The following DIAPH2 variants were observed in gnomAD, a reference collection of about 807,000 sequenced individuals.
The protein encoded by DIAPH2 is protein diaphanous homolog 2.
DIAPH2 carries 35 observed loss-of-function variants against 92.7 expected under a neutral mutation model. The ratio of observed to expected loss-of-function variants is 0.38; its 90% CI spans 0.29 to 0.50. The LOEUF is 0.50. Among genes scored for constraint, DIAPH2 ranks in the 20% least tolerant of loss-of-function variants. The pLI, the probability that DIAPH2 is intolerant of heterozygous loss-of-function variation, is 0.94. For missense variants in DIAPH2, 701 were observed against 819.5 expected (o/e 0.86, Z 1.77); for synonymous variants, 301 against 280.4 (o/e 1.07, Z -0.73).
chrX:97,319,859 G>A (rs1452395120), intron 23 of DIAPH2, among the ~76,000 whole-genome samples: 9 of 107,989 alleles, frequency 8.3e-5, no homozygotes, highest in Middle Eastern at 4.8e-3. Flanking sequence ...CAGCACTTTG[G>A]GAGGCCGAGG....
chrX:97,159,775 C>G (rs2067352989), intron 22 of DIAPH2, among the ~76,000 whole-genome samples: 1 of 111,657 alleles, frequency 9.0e-6, no homozygotes, highest in Non-Finnish European at 1.9e-5. Context: ...TTTTAGATTA[C>G]TTAGTAAAAA....
intron 26 of DIAPH2, among the ~76,000 whole-genome samples, chrX:97,499,953 A>C (rs2070783919): frequency 8.9e-6 from 1 of 112,264 alleles, no homozygotes; most frequent in African/African-American, 3.2e-5. Context: ...TACTCCCATG[A>C]ATCTTCACAG....
chrX:97,020,444 C>T, intron 17 of DIAPH2, among the ~76,000 whole-genome samples: 1 of 111,856 alleles, frequency 8.9e-6, no homozygotes. Flanking sequence ...AATGAAACTG[C>T]GGATAGTACC....
intron 26 of DIAPH2, among the ~76,000 whole-genome samples, chrX:97,588,820 G>T (rs1027972316): frequency 9.5e-6 from 1 of 104,767 alleles, no homozygotes; most frequent in African/African-American, 3.4e-5. Flanking sequence ...CTTAGTGATG[G>T]TATAATCAAC....
At chrX:97,283,474 C>T (rs1259091299) in intron 23 of DIAPH2, among the ~76,000 whole-genome samples, 1 of 111,698 alleles carries the variant, frequency 9.0e-6, no homozygotes, top group Non-Finnish European at 1.9e-5. Context: ...AGAGAGGATG[C>T]TTAGTGTGCC....
chrX:97,255,534 T>C (rs1314625176), intron 23 of DIAPH2, among the ~76,000 whole-genome samples: 1 of 112,035 alleles, frequency 8.9e-6, no homozygotes, highest in Non-Finnish European at 1.9e-5. Context: ...AACAAGCCTG[T>C]AACAATGCTT....
rs756651976 is a variant in DIAPH2 at position 97,216,026 on chromosome X, C to G, written c.2720-31689C>G. ...TCAGAGACTTATTCACCGGCCTCAA[C>G]TGCCGAAAGAATTTTAAACTAACAG... On this transcript the variant is annotated intron_variant, in intron 22 of 26. Transcript: ENST00000324765. Among the ~76,000 whole-genome samples the G allele has an allele frequency of 7.1e-4, 80 of 112,157 alleles. 1 individual carries two copies. In the Middle Eastern group the frequency reaches 0.023, roughly 32 times the overall value.
intron 23 of DIAPH2, among the ~76,000 whole-genome samples, chrX:97,330,379 A>G (rs1337654987): frequency 2.7e-5 from 3 of 110,595 alleles, no homozygotes; most frequent in African/African-American, 6.6e-5. Context: ...CTCTGTTTCT[A>G]TGAGTTTGAC....
At chrX:97,509,327 G>A (rs1375174030) in intron 26 of DIAPH2, among the ~76,000 whole-genome samples, 1 of 109,606 alleles carries the variant, frequency 9.1e-6, no homozygotes, top group East Asian at 2.8e-4. Flanking sequence ...GATTACAGGC[G>A]TAAGCCACTG....
chrX:97,555,521 C>CTGTA, intron 26 of DIAPH2: 1 of 567,753 alleles, frequency 1.8e-6, no homozygotes, highest in African/African-American at 2.5e-5. Flanking sequence ...ACATGATGGA[C>CTGTA]TGTAGTTGTA....
intron 5 of DIAPH2, among the ~76,000 whole-genome samples, chrX:96,892,955 G>A (rs993073563): frequency 2.7e-5 from 3 of 111,625 alleles, no homozygotes; most frequent in African/African-American, 9.8e-5. Context: ...TTTCTGAGTA[G>A]AAGCCTAACT....
At chrX:97,106,044 A>G (rs1019994791) in intron 20 of DIAPH2, among the ~76,000 whole-genome samples, 1 of 111,886 alleles carries the variant, frequency 8.9e-6, no homozygotes, top group Non-Finnish European at 1.9e-5. Flanking sequence ...AACCAGGTGA[A>G]AAGAAAATTC....
At chrX:97,509,608 T>C (rs1372546857) in intron 26 of DIAPH2, among the ~76,000 whole-genome samples, 3 of 103,971 alleles carry the variant, frequency 2.9e-5, no homozygotes, top group South Asian at 4.8e-4. Flanking sequence ...GCTGCACCCA[T>C]TAACTCGTCA....
At chrX:96,766,507 T>C (rs1478117498) in intron 4 of DIAPH2, among the ~76,000 whole-genome samples, 1 of 111,250 alleles carries the variant, frequency 9.0e-6, no homozygotes, top group Admixed American at 9.6e-5. Context: ...GAAAACAATA[T>C]GTAAGATCAC....
chrX:97,534,777 TAAAC>T (rs1336968414), intron 26 of DIAPH2, among the ~76,000 whole-genome samples: 1 of 111,425 alleles, frequency 9.0e-6, no homozygotes, highest in Non-Finnish European at 1.9e-5. Context: ...GCCTTTTGGA[TAAAC>T]AAAAATGATG....
chrX:96,945,332 A>G (rs1430977806), intron 13 of DIAPH2, among the ~76,000 whole-genome samples, 195 bp from the exon 14 acceptor site: 9 of 111,853 alleles, frequency 8.0e-5, no homozygotes, highest in African/African-American at 2.9e-4. Context: ...CCACAATACT[A>G]TCAGTGAATT....
At chrX:97,494,319 A>G (rs779071123) in intron 26 of DIAPH2, among the ~76,000 whole-genome samples, 1 of 109,759 alleles carries the variant, frequency 9.1e-6, no homozygotes, top group Admixed American at 9.8e-5. Context: ...ACTCTGTCTC[A>G]ATAAATAAAT....
intron 26 of DIAPH2, among the ~76,000 whole-genome samples, chrX:97,492,888 A>G (rs906082112): frequency 4.5e-5 from 5 of 111,989 alleles, no homozygotes; most frequent in Admixed American, 2.8e-4. Flanking sequence ...GGTTTGTCTA[A>G]TTTGGCATTC....
At chrX:97,141,408 C>A (rs933841125) in intron 21 of DIAPH2, among the ~76,000 whole-genome samples, 2 of 111,063 alleles carry the variant, frequency 1.8e-5, no homozygotes, top group African/African-American at 3.3e-5. Flanking sequence ...AAGAATAGTT[C>A]ATTTTGCCAC....
Sources: gnomAD v4.1 joint callset for allele counts (sites outside exome capture counted in the v4.1 genomes callset) on GRCh38, gnomAD v4.1.1 for gene constraint, MANE v1.5 for transcripts, NCBI Gene and HGNC (gene_info 2026-07-23, HGNC 2026-07-21) for gene names.